Variants in C2orf42 observed in about 807,000 individuals in gnomAD.
The protein encoded by C2orf42 is uncharacterized protein C2orf42.
Under a neutral mutation model 58.9 loss-of-function variants are expected in C2orf42, and 44 were observed. The observed-to-expected ratio is 0.75, with a 90% CI of 0.59 to 0.96. The LOEUF (loss-of-function observed/expected upper bound fraction) is 0.96. Ranked by LOEUF, C2orf42 falls within the 40% of genes least tolerant of loss-of-function variation. The pLI, the probability that C2orf42 is intolerant of heterozygous loss-of-function variation, is 0.00. For synonymous variants in C2orf42, 239 were observed against 265.4 expected, an observed-to-expected ratio of 0.90 and a Z score of 0.97; for missense variants, 630 against 699.2, an observed-to-expected ratio of 0.90 and a Z score of 1.12.
In C2orf42 at chr2:70,181,994, G is replaced by A. The variant is rs753977413; in HGVS notation, c.-9C>T. 25 of 1,521,198 alleles carry A rather than the reference G, an allele frequency of 1.6e-5. No homozygotes were observed. Among genetic ancestry groups the A allele is most frequent in the Non-Finnish European group, 2.1e-5 (23 of 1,100,196 alleles). The allele number at this position is 1,521,198 out of a possible 1,614,324, so 94.2% of individuals were successfully genotyped here. A position where few individuals can be genotyped will look rare whatever the true frequency, so the allele number is the denominator to read the frequency against. ...AGAGAATTTGGTTCCATTTTTCAGA[G>A]GCCCTACAAAAGACAATACATCCAA... On this transcript the variant is annotated 5_prime_UTR_variant, in exon 3 of 10. Coordinates refer to ENST00000264434, the MANE Select transcript of C2orf42 (RefSeq NM_017880.3).
chr2:70,184,259 C>T (rs1252607043), intron 1 of C2orf42, among the ~76,000 whole-genome samples: 1 of 152,020 alleles, frequency 6.6e-6, no homozygotes, highest in Non-Finnish European at 1.5e-5. Flanking sequence ...GACAGTCTTG[C>T]TCTGTCACCC....
chr2:70,165,269 T>C, intron 7 of C2orf42, 77 bp from the exon 8 acceptor site: 1 of 817,780 alleles, frequency 1.2e-6, no homozygotes, highest in Non-Finnish European at 2.1e-6. Context: ...ACCTAGTTTC[T>C]AATACAGTAC....
At chr2:70,158,592 G>A (rs928060426) in intron 9 of C2orf42, among the ~76,000 whole-genome samples, 6 of 151,990 alleles carry the variant, frequency 3.9e-5, no homozygotes, top group African/African-American at 1.4e-4. Context: ...TGTGACTACA[G>A]GCACACACCA....
chr2:70,153,924 G>A (rs2088995626), intron 9 of C2orf42, among the ~76,000 whole-genome samples: 1 of 151,412 alleles, frequency 6.6e-6, no homozygotes, highest in African/African-American at 2.4e-5. Context: ...TGGGCGTGGT[G>A]GCGGGCTAAT....
At chr2:70,157,182 C>T (rs1572970184) in intron 9 of C2orf42, among the ~76,000 whole-genome samples, 2 of 152,042 alleles carry the variant, frequency 1.3e-5, no homozygotes, top group East Asian at 1.9e-4. Flanking sequence ...AGGCCGGGTG[C>T]GGTGGCTCAC....
intron 4 of C2orf42, among the ~76,000 whole-genome samples, chr2:70,178,553 G>A (rs1447104101): frequency 6.6e-6 from 1 of 152,150 alleles, no homozygotes; most frequent in Non-Finnish European, 1.5e-5. Flanking sequence ...GTTGCAGTGA[G>A]CCGAAGATCG....
intron 5 of C2orf42, among the ~76,000 whole-genome samples, chr2:70,173,017 G>C (rs1673932446): frequency 6.6e-6 from 1 of 151,878 alleles, no homozygotes; most frequent in African/African-American, 2.4e-5. Context: ...ACAAAAATTA[G>C]AAGGGTATAG....
chr2:70,176,368 G>A (rs1674192308), intron 4 of C2orf42, among the ~76,000 whole-genome samples: 1 of 152,220 alleles, frequency 6.6e-6, no homozygotes, highest in Admixed American at 6.5e-5. Context: ...GCCGGGCGCG[G>A]TGGCAGGTGC....
chr2:70,170,478 C>A (rs1673734995), intron 5 of C2orf42, among the ~76,000 whole-genome samples: 1 of 151,924 alleles, frequency 6.6e-6, no homozygotes, highest in Non-Finnish European at 1.5e-5. Context: ...AAACTCCTGG[C>A]CTCAAATGAT....
intron 6 of C2orf42, among the ~76,000 whole-genome samples, chr2:70,169,255 A>C (rs1020669068): frequency 7.2e-6 from 1 of 139,566 alleles, no homozygotes; most frequent in Admixed American, 7.0e-5. Context: ...CACCACACAC[A>C]CACACACACA....
In C2orf42 at chr2:70,175,732, C is replaced by G. The variant is rs1248522206; in HGVS notation, c.980G>C (p.Ser327Thr). ...TTTCAGGCCACTTTTCCTTAGATTA[C>G]TGCTCACTGCATCTTGAGGCAGTAG... The part of the protein sequence containing the change: ...SSLLPQDAVS[S>T]NLRKSGLKKP... The change falls in exon 5 of 10, where the codon AGT becomes ACT. Residue 327 changes from serine (S) to threonine (T), a missense_variant. Transcript: ENST00000264434. 5 of 1,613,550 alleles carry G rather than the reference C, an allele frequency of 3.1e-6. No individual in the cohort carries two copies. In the African/African-American group the frequency reaches 6.7e-5, roughly 22 times the overall value.
intron 9 of C2orf42, among the ~76,000 whole-genome samples, chr2:70,153,371 T>TC (rs1672429907): frequency 6.6e-6 from 1 of 150,938 alleles, no homozygotes; most frequent in East Asian, 2.0e-4. Flanking sequence ...AGATCTTTTT[T>TC]TTTTTTTTTT....
At chr2:70,170,495 G>A (rs1354074884) in intron 5 of C2orf42, among the ~76,000 whole-genome samples, 1 of 151,798 alleles carries the variant, frequency 6.6e-6, no homozygotes, top group Non-Finnish European at 1.5e-5. Flanking sequence ...TGATCTGCAC[G>A]CCTTGGCCTC....
At chr2:70,165,984 G>A (rs13028723) in intron 6 of C2orf42, among the ~76,000 whole-genome samples, 32,757 of 151,400 alleles carry the variant, frequency 0.22, 3,814 homozygotes, top group Non-Finnish European at 0.24. Flanking sequence ...TCTGCCTCCC[G>A]GGTTCAAGCA....
Position 70,181,189 on chromosome 2 carries a change from G to C in C2orf42, c.797C>G (p.Ser266Ter). ...GCTGGAATCAAAATTTAGGAAGTCT[G>C]AGAATTCCTGAGCCAGTGTCTCATC... ...ASDETLAQEFSDFLNFDSSGL... is the reference protein window; with the variant it reads ...ASDETLAQEF Residue 266 changes from serine to a stop codon, truncating the protein, a stop_gained, in exon 3 of 10, where the codon TCA becomes TGA. Coordinates refer to ENST00000264434, the MANE Select transcript of C2orf42 (RefSeq NM_017880.3). LOFTEE classifies it high-confidence loss of function. 6.4e-7 allele frequency: 1 copy of C among 1,569,698 alleles called. No homozygotes were observed. Among genetic ancestry groups the C allele is most frequent in the Non-Finnish European group, 8.7e-7 (1 of 1,153,640 alleles).
In C2orf42 at chr2:70,174,123, C is replaced by A. The variant is rs186921846; in HGVS notation, c.1039+1550G>T. On this transcript the variant is annotated intron_variant, in intron 5 of 9. Transcript: ENST00000264434. ...AGGAGTTTGAGACCAGCCTGGACAA[C>A]ATGGTGAAACCCCATCTCTACTAAA... 1.7e-3 allele frequency among the ~76,000 whole-genome samples: 253 copies of A among 152,142 alleles called. 2 individuals are homozygous for A. The highest frequency in any genetic ancestry group is 5.9e-3 in the African/African-American group (244 of 41,502).
intron 9 of C2orf42, among the ~76,000 whole-genome samples, chr2:70,158,402 A>T (rs1046994385): frequency 6.6e-6 from 1 of 151,940 alleles, no homozygotes; most frequent in Non-Finnish European, 1.5e-5. Context: ...ACATTAATTT[A>T]AAAAATTGCA....
chr2:70,167,091 G>T (rs1481636650), intron 6 of C2orf42, among the ~76,000 whole-genome samples: 2 of 152,066 alleles, frequency 1.3e-5, no homozygotes, highest in Non-Finnish European at 2.9e-5. Flanking sequence ...AGGCACAGTG[G>T]CTCACACCTG....
At chr2:70,171,240 C>T (rs893903157) in intron 5 of C2orf42, among the ~76,000 whole-genome samples, 4 of 152,162 alleles carry the variant, frequency 2.6e-5, no homozygotes, top group African/African-American at 4.8e-5. Flanking sequence ...CATGCCTCTG[C>T]ACTCCAGGCT....
Sources: gnomAD v4.1 joint callset for allele counts (sites outside exome capture counted in the v4.1 genomes callset) on GRCh38, gnomAD v4.1.1 for gene constraint, MANE v1.5 for transcripts, NCBI Gene and HGNC (gene_info 2026-07-23, HGNC 2026-07-21) for gene names.